Variants in MYBBP1A observed in about 807,000 individuals in gnomAD.
MYBBP1A encodes MYB binding protein 1a.
In MYBBP1A, 147 loss-of-function variants were observed where a neutral mutation model predicts 136.3. The ratio of observed to expected loss-of-function variants is 1.08; its 90% confidence interval spans 0.94 to 1.24. The LOEUF (loss-of-function observed/expected upper bound fraction) is 1.24. Among genes scored for constraint, MYBBP1A ranks in the 50% most tolerant of loss-of-function variants. MYBBP1A has a pLI of 0.00. For missense variants in MYBBP1A, 2,060 were observed against 1,727.4 expected (o/e 1.19, Z -3.41); for synonymous variants, 947 against 735.8 (o/e 1.29, Z -4.65).
At position 4,538,904 on chromosome 17, in the gene MYBBP1A, T is replaced by G. The variant is rs1251273806; in HGVS notation, c.*511A>C. On this transcript the variant is annotated 3_prime_UTR_variant, in exon 26 of 26. Transcript: ENST00000254718. Reference sequence around the variant, plus strand: ...GTTGTACAAGAACCAGGTCCGAGTGTTGCCTCCTCTTCCTTCCGGAAGCCA... The same window carrying G: ...GTTGTACAAGAACCAGGTCCGAGTGGTGCCTCCTCTTCCTTCCGGAAGCCA... The G allele has an allele frequency of 2.6e-6, 2 of 781,518 alleles. No individual in the cohort carries two copies. The highest frequency in any genetic ancestry group is 2.3e-4 in the Middle Eastern group (1 of 4,442). 48.4% of individuals were successfully genotyped at this position (781,518 alleles called of 1,614,324 possible).
At chr17:4,543,237 C>T in intron 19 of MYBBP1A, 72 bp from the exon 20 acceptor site, 1 of 1,495,470 alleles carries the variant, frequency 6.7e-7, no homozygotes, top group Non-Finnish European at 8.9e-7. Context: ...AGAGCCAACC[C>T]AAGTCCCACT....
intron 23 of MYBBP1A, 84 bp downstream of exon 23, chr17:4,541,700 C>G (rs770262990): frequency 6.8e-7 from 1 of 1,466,310 alleles, no homozygotes; most frequent in Non-Finnish European, 9.5e-7. Flanking sequence ...GACTCAGGCT[C>G]CAATCCTCAC....
At position 4,548,353 on chromosome 17, in the gene MYBBP1A, C is replaced by A; in HGVS notation, c.1557-43G>T. The A allele has an allele frequency of 6.2e-7, 1 of 1,606,816 alleles. No individual in the cohort carries two copies. Among genetic ancestry groups the A allele is most frequent in the South Asian group, 1.1e-5 (1 of 90,922 alleles). ...CTTGGGGTCAGCAGACCAGATGAGT[C>A]AATGTAGCCGCCTCCCTCCGCCCTC... On this transcript the variant is annotated intron_variant, in intron 11 of 25. Transcript: ENST00000254718. The surrounding 1 kb of genome is among the most constrained non-coding windows in gnomAD (Gnocchi z 4.2).
rs201753233 is a variant in MYBBP1A, at chr17:4,540,493, G to A, written c.3298-9C>T. The A allele has an allele frequency of 3.9e-5, 63 of 1,603,846 alleles. 1 individual carries two copies. In the African/African-American group the frequency reaches 6.5e-4, roughly 17 times the overall value. ...AGGTCCAAGGTCAGCTTCTGCAGAG[G>A]GTGGGAAGGCAGAGCTGTGGGGCCA... On this transcript the variant is annotated splice_polypyrimidine_tract_variant and intron_variant, in intron 24 of 25. Transcript: ENST00000254718.
At chr17:4,541,348 T>C in intron 24 of MYBBP1A, 115 bp downstream of exon 24, 1 of 923,400 alleles carries the variant, frequency 1.1e-6, no homozygotes. Flanking sequence ...CTGAGAAGTT[T>C]CCCCACATGA....
In MYBBP1A at chr17:4,545,880, TC is replaced by T; in HGVS notation, c.1886del (p.Gly629GlufsTer20). ...TGGTGCGGCTCCGGCGGGGCTTCTC[TC>T]CCAGACTTTTCCTGATGCAGGTCTG... ...DIQTCIRKSL[G>X]EKPRRSRTKT... On this transcript the variant is annotated frameshift_variant, in exon 14 of 26. Transcript: ENST00000254718. LOFTEE classifies it high-confidence loss of function. 6.2e-7 allele frequency: 1 copy of T among 1,613,330 alleles called. No homozygotes were observed. Among genetic ancestry groups the T allele is most frequent in the Non-Finnish European group, 8.5e-7 (1 of 1,179,980 alleles).
Position 4,545,114 on chromosome 17 carries a change from T to TCC in MYBBP1A, c.2220_2221dup (p.Glu741GlyfsTer21). ...GTCGCGCTCCTCCTCCTCGCTCTCC[T>TCC]CCCCCTCGCTCTCCTCTTCACTCTC... On this transcript the variant is annotated frameshift_variant, in exon 17 of 26. Transcript: ENST00000254718. LOFTEE classifies it high-confidence loss of function. 1 of 1,607,910 alleles carries TCC rather than the reference T, an allele frequency of 6.2e-7. No homozygotes were observed. The highest frequency in any genetic ancestry group is 8.5e-7 in the Non-Finnish European group (1 of 1,177,656).
intron 24 of MYBBP1A, 55 bp from the exon 25 acceptor site, chr17:4,540,539 G>T: frequency 6.6e-7 from 1 of 1,514,928 alleles, no homozygotes; most frequent in Non-Finnish European, 8.8e-7. Flanking sequence ...GGCCTCTCGC[G>T]GGCTCCCAGT....
chr17:4,551,825 G>A lies in MYBBP1A; in HGVS notation c.1023+55C>T. ...GTGCCCTGCTCCCCTTTTTGGCAGG[G>A]AGAGCTCCACGTCTAGCCTTTCTGG... is the stretch of plus-strand genomic sequence containing the variant. On this transcript the variant is annotated intron_variant, in intron 8 of 25. Transcript: ENST00000254718. 4 of 1,520,550 alleles carry A rather than the reference G, an allele frequency of 2.6e-6. No individual in the cohort carries two copies. In the South Asian group the frequency reaches 4.6e-5, roughly 17 times the overall value. 94.2% of individuals were successfully genotyped at this position (1,520,550 alleles called of 1,614,324 possible). A position where few individuals can be genotyped will look rare whatever the true frequency, so the allele number is the denominator to read the frequency against.
intron 5 of MYBBP1A, 64 bp downstream of exon 5, chr17:4,553,746 C>T: frequency 5.6e-6 from 7 of 1,256,236 alleles, no homozygotes; most frequent in East Asian, 2.3e-5. Context: ...GATTCTCATC[C>T]GAGCCCCCTT....
rs373747647 is a variant in MYBBP1A, at chr17:4,541,767, C to G, written c.3195+17G>C. Reference sequence around the variant, plus strand: ...TGATTCTGAGGGGGTGGGGAAAGGGCGCCCCCCGGCTGTTACCTCGGTGAC... The same window carrying G: ...TGATTCTGAGGGGGTGGGGAAAGGGGGCCCCCCGGCTGTTACCTCGGTGAC... On this transcript the variant is annotated intron_variant, in intron 23 of 25. Transcript: ENST00000254718. 1 of 1,604,424 alleles carries G rather than the reference C, an allele frequency of 6.2e-7. No individual in the cohort carries two copies. Among genetic ancestry groups the G allele is most frequent in the Non-Finnish European group, 8.5e-7 (1 of 1,171,780 alleles).
chr17:4,552,565 A>T lies in MYBBP1A; in HGVS notation c.623T>A (p.Ile208Lys). 6.2e-7 allele frequency: 1 copy of T among 1,614,040 alleles called. No homozygotes were observed. The highest frequency in any genetic ancestry group is 8.5e-7 in the Non-Finnish European group (1 of 1,180,020). ...PEVLKADLNI[I>K]LSSPEQLELF... ...CTCTAGCTGTTCAGGGGAGCTGAGT[A>T]TTATATTCAAGTCGGCTTTGAGGAC... The change falls in exon 6 of 26, where the codon ATA (isoleucine) becomes AAA (lysine). Residue 208 changes from isoleucine (I) to lysine (K), a missense_variant. Transcript: ENST00000254718. This position sits in a 1 kb window ranked among gnomAD's most constrained non-coding sequence, Gnocchi z 4.7.
Position 4,545,211 on chromosome 17 carries a change from C to T in MYBBP1A, c.2161-36G>A, listed in dbSNP as rs753889303. 1.4e-5 allele frequency: 22 copies of T among 1,612,818 alleles called. No individual in the cohort carries two copies. The Admixed American group carries it at 2.0e-4, about 15-fold the overall frequency. On this transcript the variant is annotated intron_variant, in intron 16 of 25. Transcript: ENST00000254718. Reference sequence around the variant, plus strand: ...GAGGCAGGCGCGTCACACACCTCCCCGATCGTCCCACTCCCCACCGCCCCC... The same window carrying T: ...GAGGCAGGCGCGTCACACACCTCCCTGATCGTCCCACTCCCCACCGCCCCC...
At chr17:4,542,886 G>A (rs765782720) in intron 20 of MYBBP1A, 27 bp downstream of exon 20, 13 of 1,612,372 alleles carry the variant, frequency 8.1e-6, no homozygotes, top group Non-Finnish European at 9.3e-6. Flanking sequence ...AATGCCTGGG[G>A]CTGCTCCTGG....
chr17:4,553,506 A>G lies in MYBBP1A; in HGVS notation c.561+304T>C, dbSNP rs3785507. Among the ~76,000 whole-genome samples the G allele has an allele frequency of 8.5e-5, 13 of 152,384 alleles. No individual in the cohort carries two copies. In the East Asian group the frequency reaches 2.5e-3, roughly 29 times the overall value. Reference sequence around the variant, plus strand: ...GGCTAATCTGAACAGGGGTGTGCCTAAGTGTAACATACACACTGGATTTTG... The same window carrying G: ...GGCTAATCTGAACAGGGGTGTGCCTGAGTGTAACATACACACTGGATTTTG... On this transcript the variant is annotated intron_variant, in intron 5 of 25. Coordinates refer to ENST00000254718, the MANE Select transcript of MYBBP1A (RefSeq NM_014520.4).
intron 8 of MYBBP1A, 49 bp from the exon 9 acceptor site, chr17:4,550,402 C>A: frequency 1.9e-6 from 3 of 1,557,118 alleles, no homozygotes; most frequent in South Asian, 2.4e-5. Flanking sequence ...GGGGGGCAGG[C>A]GGTTAACAAC....
At position 4,542,563 on chromosome 17, in the gene MYBBP1A, C is replaced by T. The variant is rs370197834; in HGVS notation, c.3019-31G>A. On this transcript the variant is annotated intron_variant, in intron 21 of 25. Transcript: ENST00000254718. ...GGGGAGTGACAAGGGCTGTGAGGTG[C>T]AGGCTGGGCTGAGCAGGGACCATGA... is the stretch of plus-strand genomic sequence containing the variant. 48 of 1,612,418 alleles carry T rather than the reference C, an allele frequency of 3.0e-5. No homozygotes were observed. The African/African-American group carries it at 3.6e-4, about 12-fold the overall frequency.
chr17:4,553,661 T>C (rs1907742411), intron 5 of MYBBP1A, 149 bp downstream of exon 5: 1 of 630,372 alleles, frequency 1.6e-6, no homozygotes, highest in Non-Finnish European at 2.7e-6. Flanking sequence ...CCTGTTTCTT[T>C]TTACCTTTTC....
intron 22 of MYBBP1A, 100 bp from the exon 23 acceptor site, chr17:4,541,991 G>C: frequency 2.3e-6 from 2 of 855,456 alleles, no homozygotes; most frequent in Non-Finnish European, 3.7e-6. Flanking sequence ...CACTGCTGTG[G>C]GCAGCGTGTG....
Sources: gnomAD v4.1 joint callset for allele counts (sites outside exome capture counted in the v4.1 genomes callset) on GRCh38, gnomAD v4.1.1 for gene constraint, Gnocchi (gnomAD v3.1) non-coding constraint, MANE v1.5 for transcripts, NCBI Gene and HGNC (gene_info 2026-07-23, HGNC 2026-07-21) for gene names.